SYNRG: variants seen among roughly 807,000 people sequenced by gnomAD.
The protein encoded by SYNRG is synergin gamma.
SYNRG carries 37 observed loss-of-function variants against 130.9 expected under a neutral mutation model. The observed-to-expected ratio is 0.28, with a 90% CI of 0.22 to 0.37. SYNRG has a LOEUF of 0.37. Among genes scored for constraint, SYNRG ranks in the 10% least tolerant of loss-of-function variants. The probability of loss-of-function intolerance (pLI) is 1.00; values close to 1 mark genes in which losing one functional copy is unlikely to be tolerated. For missense variants in SYNRG, 1,338 were observed against 1,588.9 expected (o/e 0.84, Z 2.68); for synonymous variants, 539 against 568.1 (o/e 0.95, Z 0.73).
intron 17 of SYNRG, 65 bp from the exon 18 acceptor site, chr17:37,538,485 TTAG>T: frequency 8.2e-7 from 1 of 1,221,788 alleles, no homozygotes; most frequent in Non-Finnish European, 1.2e-6. Context: ...CAATTTACTA[TTAG>T]TAGAAAACCC....
chr17:37,533,588 CTTTTTT>C (rs533546189), intron 19 of SYNRG, among the ~76,000 whole-genome samples: 1 of 135,360 alleles, frequency 7.4e-6, no homozygotes, highest in African/African-American at 2.7e-5. Context: ...TTTTCTTTTT[CTTTTTT>C]TTTTTTTTTT....
chr17:37,600,243 T>A, intron 2 of SYNRG, 120 bp downstream of exon 2: 1 of 813,284 alleles, frequency 1.2e-6, no homozygotes, highest in Non-Finnish European at 1.9e-6. Flanking sequence ...GGTTTAAGAG[T>A]GCAGAAAATT....
chr17:37,590,287 C>T (rs1445636936), intron 3 of SYNRG, among the ~76,000 whole-genome samples: 3 of 151,962 alleles, frequency 2.0e-5, no homozygotes, highest in Non-Finnish European at 4.4e-5. Context: ...ATCCATCTGT[C>T]TTAATTTTGA....
chr17:37,535,117 C>T (rs1220805394), intron 19 of SYNRG, among the ~76,000 whole-genome samples: 2 of 151,932 alleles, frequency 1.3e-5, no homozygotes, highest in Non-Finnish European at 1.5e-5. Context: ...GTATATAAAT[C>T]TATTACAAAT....
intron 2 of SYNRG, among the ~76,000 whole-genome samples, chr17:37,597,903 G>T (rs1307834067): frequency 3.9e-5 from 6 of 152,172 alleles, no homozygotes; most frequent in Non-Finnish European, 8.8e-5. Flanking sequence ...CAAACTGTCA[G>T]TTTGAAAAAT....
At chr17:37,519,446 C>T (rs1350674727) in intron 21 of SYNRG, among the ~76,000 whole-genome samples, 1 of 152,172 alleles carries the variant, frequency 6.6e-6, no homozygotes, top group African/African-American at 2.4e-5. Flanking sequence ...CGGCATCTGA[C>T]TACAGCATGC....
intron 18 of SYNRG, 32 bp downstream of exon 18, chr17:37,538,292 C>G: frequency 6.8e-7 from 1 of 1,472,584 alleles, no homozygotes; most frequent in Non-Finnish European, 9.3e-7. Context: ...AAAGGGCCAT[C>G]ATTTTCAATA....
chr17:37,576,725 A>G (rs1178657524), intron 7 of SYNRG, among the ~76,000 whole-genome samples: 1 of 152,238 alleles, frequency 6.6e-6, no homozygotes, highest in Non-Finnish European at 1.5e-5. Flanking sequence ...AAAAAACATG[A>G]TAGATGATAG....
At chr17:37,573,763 A>G (rs2060613527) in intron 8 of SYNRG, among the ~76,000 whole-genome samples, 1 of 152,220 alleles carries the variant, frequency 6.6e-6, no homozygotes, top group Admixed American at 6.5e-5. Context: ...AAAATAGAGA[A>G]ATATTCCATG....
chr17:37,561,114 A>G (rs1299463387), intron 13 of SYNRG, 81 bp downstream of exon 13: 5 of 1,165,082 alleles, frequency 4.3e-6, no homozygotes, highest in Non-Finnish European at 6.4e-6. Context: ...AATAAAGGGA[A>G]TGCCACTGAA....
chr17:37,520,179 T>C lies in SYNRG; in HGVS notation c.3813A>G (p.Lys1271=), dbSNP rs776733285. Residue 1271 remains lysine, a splice_region_variant and synonymous_variant, in exon 21 of 22, where the codon AAA becomes AAG. Transcript: ENST00000612223. ...AAGATAAGGTGTAACTGGTTCATAC[T>C]TTTTTAGGATGTTCTTCTGCAGGCT... ...EEKPAEEHPK[K]AFNSETDSFK... 1.4e-5 allele frequency: 22 copies of C among 1,614,140 alleles called. No homozygotes were observed.
chr17:37,527,739 T>C (rs908702148), intron 19 of SYNRG, among the ~76,000 whole-genome samples: 1 of 152,212 alleles, frequency 6.6e-6, no homozygotes. Flanking sequence ...GCAAATCCTA[T>C]GCCATTTCTT....
intron 2 of SYNRG, among the ~76,000 whole-genome samples, chr17:37,599,442 C>T (rs562606726): frequency 3.4e-4 from 51 of 152,146 alleles, no homozygotes; most frequent in Non-Finnish European, 4.6e-4. Context: ...GAGACTTGGC[C>T]GGATGTGGTG....
chr17:37,528,741 C>T (rs938489099), intron 19 of SYNRG, among the ~76,000 whole-genome samples: 5 of 152,170 alleles, frequency 3.3e-5, no homozygotes. Flanking sequence ...CTTATCAGTT[C>T]TGCTAGAGTA....
At chr17:37,546,084 A>G (rs891708920) in intron 14 of SYNRG, among the ~76,000 whole-genome samples, 20 of 152,226 alleles carry the variant, frequency 1.3e-4, no homozygotes, top group Non-Finnish European at 2.8e-4. Flanking sequence ...ATAGTTCTAC[A>G]TTTCTAAGCA....
At chr17:37,588,350 C>T (rs990568483) in intron 3 of SYNRG, among the ~76,000 whole-genome samples, 1 of 151,320 alleles carries the variant, frequency 6.6e-6, no homozygotes, top group Non-Finnish European at 1.5e-5. Context: ...GCAACCTCCA[C>T]CTCCCGGGCT....
chr17:37,589,476 C>T (rs377383077), intron 3 of SYNRG, among the ~76,000 whole-genome samples: 262 of 152,308 alleles, frequency 1.7e-3, no homozygotes, highest in African/African-American at 6.0e-3. Flanking sequence ...TAGGGCCGGG[C>T]GCGGTGGCTC....
Position 37,533,538 on chromosome 17 carries a change from T to A in SYNRG, c.3666+2441A>T, listed in dbSNP as rs1239455526. On this transcript the variant is annotated intron_variant, in intron 19 of 21. Coordinates refer to ENST00000612223, the MANE Select transcript of SYNRG (RefSeq NM_007247.6). ...ATAAGGGCTTGAATTAGTTAATAAT[T>A]TTTTTAAAAAAGATTTCTAATTTCA... Among the ~76,000 whole-genome samples the A allele has an allele frequency of 3.9e-5, 6 of 151,978 alleles. No homozygotes were observed. In the East Asian group the frequency reaches 9.6e-4, roughly 24 times the overall value.
chr17:37,587,166 A>C (rs1200745834), intron 3 of SYNRG, among the ~76,000 whole-genome samples: 1 of 152,186 alleles, frequency 6.6e-6, no homozygotes, highest in Non-Finnish European at 1.5e-5. Flanking sequence ...ATGTTTTTAG[A>C]GACAGGGTCT....
Sources: gnomAD v4.1 joint callset for allele counts (sites outside exome capture counted in the v4.1 genomes callset) on GRCh38, gnomAD v4.1.1 for gene constraint, MANE v1.5 for transcripts, NCBI Gene and HGNC (gene_info 2026-07-23, HGNC 2026-07-21) for gene names.